ATRN: variants seen among roughly 807,000 people sequenced by gnomAD.
ATRN encodes the protein attractin-2.
A neutral mutation model predicts 178.7 loss-of-function variants in ATRN; 54 were observed. The ratio of observed to expected loss-of-function variants is 0.30; its 90% CI spans 0.24 to 0.38. The LOEUF is 0.38. ATRN is among the 10% of genes least tolerant of loss of function. ATRN has a pLI of 1.00. For synonymous variants in ATRN, 636 were observed against 663.0 expected, an observed-to-expected ratio of 0.96 and a Z score of 0.63; for missense variants, 1,443 against 1,815.1, an observed-to-expected ratio of 0.79 and a Z score of 3.73.
At chr20:3,640,983 T>C (rs1183261467) in intron 27 of ATRN, among the ~76,000 whole-genome samples, 1 of 152,202 alleles carries the variant, frequency 6.6e-6, no homozygotes, top group African/African-American at 2.4e-5. Flanking sequence ...CTTGAAGACA[T>C]ACTAAGTGAA....
At chr20:3,565,045 A>G (rs1200478014) in intron 10 of ATRN, among the ~76,000 whole-genome samples, 1 of 152,140 alleles carries the variant, frequency 6.6e-6, no homozygotes, top group Non-Finnish European at 1.5e-5. Context: ...AGCCTGGGTG[A>G]CAGAGCGAGA....
rs527855271 is a variant in ATRN, at chr20:3,581,706, TAGCC to T, written c.2545-427_2545-424del. Among the ~76,000 whole-genome samples the T allele has an allele frequency of 5.9e-5, 9 of 152,320 alleles. No individual in the cohort carries two copies. In the East Asian group the frequency reaches 1.5e-3, roughly 26 times the overall value. On this transcript the variant is annotated intron_variant, in intron 15 of 28. Transcript: ENST00000262919. ...GGGATACTCAGCCTGTGTTTGGGGGTAGCCATCTCTTCATATAGACATTTCAGAA... is the reference window on the plus strand; with the variant it reads ...GGGATACTCAGCCTGTGTTTGGGGGTATCTCTTCATATAGACATTTCAGAA...
At chr20:3,570,883 AG>A (rs2086112837) in intron 11 of ATRN, among the ~76,000 whole-genome samples, 1 of 152,192 alleles carries the variant, frequency 6.6e-6, no homozygotes, top group South Asian at 2.1e-4. Flanking sequence ...TGTTGTTTCT[AG>A]GTTTTTTAAG....
intron 25 of ATRN, chr20:3,629,318 A>G: frequency 1.0e-6 from 1 of 984,662 alleles, no homozygotes. Flanking sequence ...GCTTTTCCAT[A>G]TTCAGCTTGC....
At chr20:3,549,368 G>A (rs1208108704) in intron 6 of ATRN, 30 bp downstream of exon 6, 2 of 1,481,104 alleles carry the variant, frequency 1.4e-6, no homozygotes, top group East Asian at 2.6e-5. Flanking sequence ...TTTGCAAGAA[G>A]CTTAGTTTTT....
chr20:3,624,895 T>C (rs2064946), intron 25 of ATRN, among the ~76,000 whole-genome samples: 72,372 of 152,088 alleles, frequency 0.48, 19,190 homozygotes, highest in African/African-American at 0.72. Flanking sequence ...AACATTTAAT[T>C]AATAATGGTT....
intron 12 of ATRN, among the ~76,000 whole-genome samples, chr20:3,574,187 G>T (rs2086171218): frequency 6.6e-6 from 1 of 151,678 alleles, no homozygotes. Context: ...GCTGCTCCAA[G>T]TTAAACTTTT....
intron 13 of ATRN, among the ~76,000 whole-genome samples, chr20:3,576,522 A>G (rs2086211513): frequency 6.6e-6 from 1 of 152,076 alleles, no homozygotes; most frequent in African/African-American, 2.4e-5. Context: ...GAGCATTTGA[A>G]AAGCACCAAG....
chr20:3,524,589 C>T (rs541053429), intron 1 of ATRN, among the ~76,000 whole-genome samples: 1 of 152,312 alleles, frequency 6.6e-6, no homozygotes, highest in African/African-American at 2.4e-5. Flanking sequence ...CCGAACTCTC[C>T]ACCCCCAAGC....
At chr20:3,490,708 C>T (rs2084779963) in intron 1 of ATRN, 1 of 801,088 alleles carries the variant, frequency 1.2e-6, no homozygotes, top group African/African-American at 1.7e-5. Flanking sequence ...GACATTGGCA[C>T]ACAGATCTCA....
chr20:3,536,428 C>A (rs1424842159), intron 2 of ATRN, among the ~76,000 whole-genome samples: 1 of 152,138 alleles, frequency 6.6e-6, no homozygotes, highest in African/African-American at 2.4e-5. Context: ...CCAGGCTGGT[C>A]TCGAACTCCT....
chr20:3,530,554 A>G (rs2085439984), intron 1 of ATRN, among the ~76,000 whole-genome samples: 1 of 151,658 alleles, frequency 6.6e-6, no homozygotes, highest in African/African-American at 2.4e-5. Context: ...GCTGGGGATT[A>G]CAGGTGTGAG....
chr20:3,582,076 A>G (rs983046078), intron 15 of ATRN, 59 bp from the exon 16 acceptor site: 3 of 1,500,112 alleles, frequency 2.0e-6, no homozygotes, highest in Admixed American at 3.5e-5. Flanking sequence ...TCCATCTCCA[A>G]AATTTAAATT....
At chr20:3,497,485 T>C (rs1299236934) in intron 1 of ATRN, among the ~76,000 whole-genome samples, 2 of 152,162 alleles carry the variant, frequency 1.3e-5, no homozygotes, top group Non-Finnish European at 2.9e-5. Context: ...TGTTGAATAT[T>C]GGCCCCCACT....
intron 2 of ATRN, among the ~76,000 whole-genome samples, chr20:3,538,891 G>A (rs2085579282): frequency 6.6e-6 from 1 of 152,124 alleles, no homozygotes; most frequent in East Asian, 1.9e-4. Flanking sequence ...CATGTTGCTT[G>A]GACACATCAG....
chr20:3,613,640 C>T (rs139082685), intron 24 of ATRN, among the ~76,000 whole-genome samples: 11 of 152,232 alleles, frequency 7.2e-5, no homozygotes, highest in African/African-American at 2.4e-4. Context: ...GTATGGCTTT[C>T]GATGCAGGCA....
At chr20:3,539,755 GC>G (rs1025125397) in intron 2 of ATRN, among the ~76,000 whole-genome samples, 1 of 149,822 alleles carries the variant, frequency 6.7e-6, no homozygotes, top group Non-Finnish European at 1.5e-5. Context: ...TCCCTCCACC[GC>G]CCCCTCCCAC....
At chr20:3,512,503 A>G (rs1250906174) in intron 1 of ATRN, among the ~76,000 whole-genome samples, 2 of 152,078 alleles carry the variant, frequency 1.3e-5, no homozygotes, top group Non-Finnish European at 2.9e-5. Context: ...AATCCAGTCT[A>G]TCATTGTTGG....
At chr20:3,509,275 A>C (rs1311861352) in intron 1 of ATRN, among the ~76,000 whole-genome samples, 2 of 152,286 alleles carry the variant, frequency 1.3e-5, no homozygotes, top group Non-Finnish European at 2.9e-5. Context: ...TTGAAAGCAA[A>C]AGGATAGAGA....
Sources: gnomAD v4.1 joint callset for allele counts (sites outside exome capture counted in the v4.1 genomes callset) on GRCh38, gnomAD v4.1.1 for gene constraint, MANE v1.5 for transcripts, NCBI Gene and HGNC (gene_info 2026-07-23, HGNC 2026-07-21) for gene names.